The following LRP5 variants were observed in gnomAD, a reference collection of about 807,000 sequenced individuals.
LRP5 encodes the protein LDL receptor related protein 5, also known as low-density lipoprotein receptor-related protein 5.
In LRP5, 62 loss-of-function variants were observed where a neutral mutation model predicts 154.1. That is an observed-to-expected ratio of 0.40 (90% CI 0.33 to 0.50). The LOEUF (loss-of-function observed/expected upper bound fraction) is 0.50, where lower values mean the gene tolerates loss of function less well. Among genes scored for constraint, LRP5 ranks in the 20% least tolerant of loss-of-function variants. The pLI is 0.55. For missense variants in LRP5, 1,915 were observed against 2,336.7 expected, an observed-to-expected ratio of 0.82 and a Z score of 3.72; for synonymous variants, 966 against 1,011.5, an observed-to-expected ratio of 0.96 and a Z score of 0.85.
Position 68,423,220 on chromosome 11 carries a change from G to A in LRP5, c.3028-269G>A, listed in dbSNP as rs891331384. ...TCTTCCAGAGGCTGTTGTCCTAATCGCTCTGGCATACTCAGGCGGGCACGT... is the reference window on the plus strand; with the variant it reads ...TCTTCCAGAGGCTGTTGTCCTAATCACTCTGGCATACTCAGGCGGGCACGT... On this transcript the variant is annotated intron_variant, in intron 13 of 22. Coordinates refer to ENST00000294304, the MANE Select transcript of LRP5 (RefSeq NM_002335.4). The surrounding 1 kb of genome is among the most constrained non-coding windows in gnomAD (Gnocchi z 4.7). 2.6e-5 allele frequency among the ~76,000 whole-genome samples: 4 copies of A among 152,172 alleles called. No homozygotes were observed. The highest frequency in any genetic ancestry group is 7.2e-5 in the African/African-American group (3 of 41,438).
At chr11:68,320,975 C>T (rs2098596404) in intron 1 of LRP5, among the ~76,000 whole-genome samples, 1 of 151,838 alleles carries the variant, frequency 6.6e-6, no homozygotes, top group Non-Finnish European at 1.5e-5. Flanking sequence ...TACTCCATCT[C>T]CAGATTATAA....
At chr11:68,437,565 T>A (rs955858637) in intron 19 of LRP5, among the ~76,000 whole-genome samples, 3 of 152,200 alleles carry the variant, frequency 2.0e-5, no homozygotes, top group Admixed American at 2.0e-4. Context: ...TGAGTTCAGA[T>A]AGGAAGTAGC....
chr11:68,445,607 C>T, intron 21 of LRP5: 1 of 1,317,452 alleles, frequency 7.6e-7, no homozygotes, highest in Non-Finnish European at 9.9e-7. Flanking sequence ...TCCAGGATGG[C>T]CTTGGAGACC....
intron 5 of LRP5, among the ~76,000 whole-genome samples, chr11:68,385,916 C>T (rs1405356805): frequency 6.6e-6 from 1 of 152,072 alleles, no homozygotes; most frequent in Non-Finnish European, 1.5e-5. Flanking sequence ...GCAGCTGGGT[C>T]TGCAGCCTGG....
intron 1 of LRP5, among the ~76,000 whole-genome samples, chr11:68,321,199 A>G (rs1163245427): frequency 6.6e-6 from 1 of 151,648 alleles, no homozygotes; most frequent in East Asian, 1.9e-4. Context: ...GTGTCCACAG[A>G]CACCTGGGTC....
chr11:68,428,518 T>C (rs974588759), intron 16 of LRP5, among the ~76,000 whole-genome samples: 2 of 152,032 alleles, frequency 1.3e-5, no homozygotes, highest in African/African-American at 4.8e-5. Flanking sequence ...TCCACACTTG[T>C]GGATGCGCCG....
chr11:68,304,189 G>A, the LRP5 span, among the ~76,000 whole-genome samples: 2 of 152,292 alleles, frequency 1.3e-5, no homozygotes, highest in African/African-American at 4.8e-5. Flanking sequence ...GGGCCCTGCT[G>A]CTCTGCACAG....
Position 68,357,678 on chromosome 11 carries a change from A to G in LRP5, c.517A>G (p.Thr173Ala), listed in dbSNP as rs1288814978. The G allele has an allele frequency of 6.2e-7, 1 of 1,613,946 alleles. No homozygotes were observed. Among genetic ancestry groups the G allele is most frequent in the African/African-American group, 1.3e-5 (1 of 74,924 alleles). Residue 173 changes from threonine (T) to alanine (A), a missense_variant, in exon 3 of 23, where the codon ACG becomes GCG. Coordinates refer to ENST00000294304, the MANE Select transcript of LRP5 (RefSeq NM_002335.4). Reference sequence around the variant, plus strand: ...CATGTACTGGACAGACTGGGGTGAGACGCCCCGGATTGAGCGGGCAGGGAT... The same window carrying G: ...CATGTACTGGACAGACTGGGGTGAGGCGCCCCGGATTGAGCGGGCAGGGAT... Reference protein sequence around the residue: ...GYMYWTDWGETPRIERAGMDG... With the variant: ...GYMYWTDWGEAPRIERAGMDG...
At chr11:68,387,909 C>T (rs772023102) in intron 6 of LRP5, among the ~76,000 whole-genome samples, 17 of 152,178 alleles carry the variant, frequency 1.1e-4, no homozygotes, top group Non-Finnish European at 2.5e-4. Context: ...CGTCGGGCAG[C>T]GGCGGGCAGA....
At chr11:68,335,169 TG>T (rs1277700752) in intron 1 of LRP5, among the ~76,000 whole-genome samples, 1 of 151,038 alleles carries the variant, frequency 6.6e-6, no homozygotes, top group Non-Finnish European at 1.5e-5. Context: ...CTTGACCTCC[TG>T]GGCTCAGGCC....
intron 9 of LRP5, among the ~76,000 whole-genome samples, chr11:68,409,061 A>C (rs909557488): frequency 5.2e-5 from 1 of 19,312 alleles, no homozygotes; most frequent in African/African-American, 1.7e-4. Context: ...GAAAAAAAAA[A>C]AAAAAAAAAA....
chr11:68,326,099 C>T (rs987676165), intron 1 of LRP5, among the ~76,000 whole-genome samples: 9 of 152,192 alleles, frequency 5.9e-5, no homozygotes, highest in African/African-American at 1.2e-4. Context: ...ACCGAGTGTG[C>T]GTCCTTGCCT....
chr11:68,384,245 G>A (rs587808), intron 5 of LRP5, among the ~76,000 whole-genome samples: 87,113 of 152,106 alleles, frequency 0.57, 27,574 homozygotes, highest in South Asian at 0.88. Flanking sequence ...CCTGGCGAGA[G>A]CCAGAGCCTG....
intron 1 of LRP5, among the ~76,000 whole-genome samples, chr11:68,343,739 C>T (rs1272171921): frequency 6.6e-6 from 1 of 152,160 alleles, no homozygotes; most frequent in East Asian, 1.9e-4. Flanking sequence ...CTCCTGCCCT[C>T]AGGCCTCAGT....
chr11:68,385,749 G>A (rs1268027053), intron 5 of LRP5, among the ~76,000 whole-genome samples: 1 of 152,140 alleles, frequency 6.6e-6, no homozygotes, highest in East Asian at 1.9e-4. Flanking sequence ...CTTGAAGGGT[G>A]TGTCTGGCCC....
chr11:68,302,045 G>T, the LRP5 span, among the ~76,000 whole-genome samples: 1 of 151,780 alleles, frequency 6.6e-6, no homozygotes, highest in African/African-American at 2.4e-5. Context: ...GCATTGATGT[G>T]CTGAGGCATG....
chr11:68,384,197 G>A (rs1394087295), intron 5 of LRP5, among the ~76,000 whole-genome samples: 1 of 152,202 alleles, frequency 6.6e-6, no homozygotes, highest in East Asian at 1.9e-4. Context: ...TCCTTGAAAC[G>A]TTGGATGCCG....
At chr11:68,298,883 G>A in the LRP5 span, among the ~76,000 whole-genome samples, 7 of 152,152 alleles carry the variant, frequency 4.6e-5, no homozygotes, top group Admixed American at 2.6e-4. Flanking sequence ...TGCTGGAGAT[G>A]TCTACACTAG....
At chr11:68,330,944 A>G (rs1271006084) in intron 1 of LRP5, among the ~76,000 whole-genome samples, 1 of 152,172 alleles carries the variant, frequency 6.6e-6, no homozygotes. Flanking sequence ...CCTCCTGTTC[A>G]GTTTTACTTT....
Sources: allele counts gnomAD v4.1 joint callset (sites outside exome capture counted in the v4.1 genomes callset), GRCh38; gene constraint gnomAD v4.1.1; non-coding constraint Gnocchi (gnomAD v3.1); transcripts MANE v1.5; gene names NCBI Gene and HGNC (gene_info 2026-07-23, HGNC 2026-07-21).